MPP7: variants seen among roughly 807,000 people sequenced by gnomAD.
MPP7 encodes the protein MAGUK p55 scaffold protein 7.
Under a neutral mutation model 76.5 loss-of-function variants are expected in MPP7, and 60 were observed. That is an observed-to-expected ratio of 0.78 (90% CI 0.64 to 0.97). The LOEUF (loss-of-function observed/expected upper bound fraction) is 0.97, where lower values mean the gene tolerates loss of function less well. Ranked by LOEUF, MPP7 falls within the 50% of genes least tolerant of loss-of-function variation. MPP7 has a pLI of 0.00. For missense variants in MPP7, 641 were observed against 694.0 expected, an observed-to-expected ratio of 0.92 and a Z score of 0.86; for synonymous variants, 237 against 244.5, an observed-to-expected ratio of 0.97 and a Z score of 0.29.
intron 2 of MPP7, among the ~76,000 whole-genome samples, chr10:28,316,105 A>G (rs1217785741): frequency 1.3e-5 from 2 of 152,178 alleles, no homozygotes; most frequent in Non-Finnish European, 2.9e-5. Flanking sequence ...GGTACCCTGG[A>G]TGGGATCCTG....
At chr10:28,254,448 A>G (rs1205859201) in intron 1 of MPP7, among the ~76,000 whole-genome samples, 1 of 152,214 alleles carries the variant, frequency 6.6e-6, no homozygotes, top group Non-Finnish European at 1.5e-5. Flanking sequence ...TAATTTGCCA[A>G]AAGCATGGCA....
chr10:28,290,023 TG>T (rs1564760421), intron 1 of MPP7, among the ~76,000 whole-genome samples: 1 of 152,194 alleles, frequency 6.6e-6, no homozygotes, highest in Non-Finnish European at 1.5e-5. Flanking sequence ...TTCACTATGT[TG>T]CCCAGGTTGG....
At chr10:28,315,825 C>A (rs1026863036) in intron 2 of MPP7, among the ~76,000 whole-genome samples, 1 of 152,036 alleles carries the variant, frequency 6.6e-6, no homozygotes, top group Non-Finnish European at 1.5e-5. Context: ...AGTGGAAAAA[C>A]CTGACCAGCA....
Position 28,202,201 on chromosome 10 carries a change from G to C in MPP7, c.108C>G (p.Thr36=), listed in dbSNP as rs867188273. The part of the protein sequence containing the change: ...QPHVDSQEDL[T]FLWDMFGEKS... ...TTTCACCAAACATATCCCAGAGGAA[G>C]GTCAGGTCTTCCTGGCTATCCACAT... Residue 36 remains threonine (T), a synonymous_variant, in exon 3 of 17, where the codon ACC becomes ACG. Coordinates refer to ENST00000683449, the MANE Select transcript of MPP7 (RefSeq NM_001318170.2). 1 of 1,613,786 alleles carries C rather than the reference G, an allele frequency of 6.2e-7. No homozygotes were observed.
intron 2 of MPP7, among the ~76,000 whole-genome samples, chr10:28,204,718 A>G (rs1167009796): frequency 6.6e-6 from 1 of 152,246 alleles, no homozygotes; most frequent in African/African-American, 2.4e-5. Context: ...TAAGAATTCT[A>G]TAGAGCAATT....
chr10:28,113,527 A>C (rs926610918), intron 11 of MPP7, among the ~76,000 whole-genome samples: 5 of 152,130 alleles, frequency 3.3e-5, no homozygotes, highest in South Asian at 4.1e-4. Context: ...GAGCCCCAAG[A>C]GTGTCTGTCA....
chr10:28,253,178 T>C (rs11006954), intron 1 of MPP7, among the ~76,000 whole-genome samples: 14,774 of 152,202 alleles, frequency 0.097, 1,149 homozygotes, highest in East Asian at 0.4. Flanking sequence ...AGTGCTGGGA[T>C]TACAGGCGTG....
chr10:28,119,769 A>C, intron 10 of MPP7, 54 bp from the exon 11 acceptor site: 1 of 1,363,054 alleles, frequency 7.3e-7, no homozygotes, highest in South Asian at 1.2e-5. Context: ...GTCCGAGGTG[A>C]ATACAATATC....
In MPP7 at chr10:28,143,063, T is replaced by G. The variant is rs181765021; in HGVS notation, c.315+4420A>C. 1.2e-4 allele frequency among the ~76,000 whole-genome samples: 18 copies of G among 152,016 alleles called. No individual in the cohort carries two copies. In the East Asian group the frequency reaches 3.3e-3, roughly 28 times the overall value. On this transcript the variant is annotated intron_variant, in intron 5 of 16. Transcript: ENST00000683449. ...TGTAAGTTAAAATAGGTAATTTTGT[T>G]GACACAAAGAGAAGGCTACAAAATG...
chr10:28,063,018 T>C (rs1851854015), intron 13 of MPP7, among the ~76,000 whole-genome samples: 1 of 152,114 alleles, frequency 6.6e-6, no homozygotes, highest in South Asian at 2.1e-4. Flanking sequence ...TAAACACTTT[T>C]GCTTTTTAAA....
chr10:28,265,807 G>T (rs910792695), intron 1 of MPP7, among the ~76,000 whole-genome samples: 3 of 152,168 alleles, frequency 2.0e-5, no homozygotes, highest in Non-Finnish European at 4.4e-5. Context: ...GCAGAGGAAA[G>T]GGAAAGAATG....
chr10:28,330,600 T>C (rs1170211131), intron 1 of MPP7, among the ~76,000 whole-genome samples: 1 of 152,078 alleles, frequency 6.6e-6, no homozygotes, highest in Non-Finnish European at 1.5e-5. Flanking sequence ...AAAGCCACAG[T>C]CTTATTGAAT....
intron 1 of MPP7, among the ~76,000 whole-genome samples, chr10:28,256,921 T>C (rs1839805790): frequency 1.3e-5 from 2 of 152,214 alleles, no homozygotes; most frequent in Admixed American, 1.3e-4. Context: ...ATTCAATGTA[T>C]GCCGAGTGAG....
At chr10:28,153,493 A>G (rs942574180) in intron 3 of MPP7, among the ~76,000 whole-genome samples, 1 of 152,190 alleles carries the variant, frequency 6.6e-6, no homozygotes, top group African/African-American at 2.4e-5. Flanking sequence ...CAAAATCTAT[A>G]TACATTATGC....
At chr10:28,272,858 T>A (rs574543595) in intron 1 of MPP7, among the ~76,000 whole-genome samples, 1 of 152,200 alleles carries the variant, frequency 6.6e-6, no homozygotes, top group Non-Finnish European at 1.5e-5. Context: ...CTACTTCCTA[T>A]GAAGAATAAT....
At chr10:28,093,317 T>C (rs1436749883) in intron 11 of MPP7, among the ~76,000 whole-genome samples, 2 of 152,098 alleles carry the variant, frequency 1.3e-5, no homozygotes, top group Non-Finnish European at 2.9e-5. Context: ...AAATGCTTCA[T>C]CCACAGGAAA....
intron 13 of MPP7, 112 bp downstream of exon 13, chr10:28,069,660 C>T: frequency 1.3e-6 from 1 of 749,760 alleles, no homozygotes; most frequent in Non-Finnish European, 2.1e-6. Flanking sequence ...ATATACCTAC[C>T]ATGTACCCAA....
At chr10:28,166,656 C>T (rs1432452236) in intron 3 of MPP7, among the ~76,000 whole-genome samples, 2 of 152,110 alleles carry the variant, frequency 1.3e-5, no homozygotes, top group African/African-American at 4.8e-5. Flanking sequence ...ATCCGCCCAT[C>T]TCGGCCTCCC....
intron 1 of MPP7, among the ~76,000 whole-genome samples, chr10:28,272,141 T>C (rs1156289772): frequency 6.6e-6 from 1 of 152,130 alleles, no homozygotes; most frequent in East Asian, 1.9e-4. Flanking sequence ...CTAGTCCATA[T>C]AGTTTGACCA....
Sources: allele counts gnomAD v4.1 joint callset (sites outside exome capture counted in the v4.1 genomes callset), GRCh38; gene constraint gnomAD v4.1.1; transcripts MANE v1.5; gene names NCBI Gene and HGNC (gene_info 2026-07-23, HGNC 2026-07-21).